Variants in UPF2 observed in about 807,000 individuals in gnomAD.
UPF2 encodes UPF2 regulator of nonsense mediated mRNA decay.
A neutral mutation model predicts 141.4 loss-of-function variants in UPF2; 17 were observed. The ratio of observed to expected loss-of-function variants is 0.12; its 90% CI spans 0.08 to 0.18. UPF2 has a LOEUF of 0.18. UPF2 is among the 10% of genes least tolerant of loss of function. The pLI is 1.00. For synonymous variants in UPF2, 540 were observed against 498.0 expected (o/e 1.08, Z -1.12); for missense variants, 1,152 against 1,515.9 (o/e 0.76, Z 3.99).
chr10:12,030,647 G>A (rs1180586693), intron 2 of UPF2, among the ~76,000 whole-genome samples: 7 of 151,998 alleles, frequency 4.6e-5, no homozygotes, highest in Non-Finnish European at 8.8e-5. Flanking sequence ...ACTTTGGGAG[G>A]CCGAGGCAGG....
chr10:11,943,779 G>C (rs1820505570), intron 16 of UPF2, among the ~76,000 whole-genome samples: 2 of 152,030 alleles, frequency 1.3e-5, no homozygotes, highest in Non-Finnish European at 2.9e-5. Context: ...TGGCCTTTCA[G>C]CTCCCCTAAC....
At position 11,998,645 on chromosome 10, in the gene UPF2, G is replaced by T. The variant is rs1334391393; in HGVS notation, c.1759-888C>A. Among the ~76,000 whole-genome samples the T allele has an allele frequency of 6.6e-6, 1 of 152,154 alleles. No homozygotes were observed. The highest frequency in any genetic ancestry group is 1.5e-5 in the Non-Finnish European group (1 of 68,020). On this transcript the variant is annotated intron_variant, in intron 7 of 21. Transcript: ENST00000357604. This position sits in a 1 kb window ranked among gnomAD's most constrained non-coding sequence, Gnocchi z 4.5. ...AGGTGGGTGGATCACGTGAGGTCAGGAGTTCAAGACCAGCCTGGCCAACAT... is the reference window on the plus strand; with the variant it reads ...AGGTGGGTGGATCACGTGAGGTCAGTAGTTCAAGACCAGCCTGGCCAACAT...
intron 17 of UPF2, 140 bp from the exon 18 acceptor site, chr10:11,942,903 A>T: frequency 1.1e-6 from 1 of 906,852 alleles, no homozygotes; most frequent in Non-Finnish European, 1.7e-6. Flanking sequence ...ATTCAATGTT[A>T]AAAGAATTTA....
At chr10:12,041,037 T>C (rs1564377284) in intron 1 of UPF2, among the ~76,000 whole-genome samples, 1 of 152,212 alleles carries the variant, frequency 6.6e-6, no homozygotes. Context: ...CACTACCCAG[T>C]GCTTTTTCAC....
rs555380961 is a variant in UPF2 at position 12,001,717 on chromosome 10, T to A, written c.1613A>T (p.Asp538Val). 6.2e-6 allele frequency: 10 copies of A among 1,610,812 alleles called. No homozygotes were observed. In the African/African-American group the frequency reaches 1.3e-4, roughly 22 times the overall value. ...NDDTLELEGG[D>V]EAEDLTKKLL... ...TTTCTTTGTAAGATCTTCAGCTTCA[T>A]CTCCACCCTCTAATTCTAAGGTGTC... Residue 538 changes from aspartate to valine, a missense_variant, in exon 6 of 22, where the codon GAT becomes GTT. Physicochemically the swap from Asp to Val is radical, Grantham distance 152. Transcript: ENST00000357604.
At chr10:12,024,171 C>A (rs1464804475) in intron 3 of UPF2, among the ~76,000 whole-genome samples, 1 of 152,038 alleles carries the variant, frequency 6.6e-6, no homozygotes. Context: ...AAAACACCTA[C>A]TAGATGAGAG....
intron 21 of UPF2, among the ~76,000 whole-genome samples, chr10:11,927,475 G>A (rs868035507): frequency 2.0e-5 from 3 of 152,200 alleles, no homozygotes; most frequent in Non-Finnish European, 4.4e-5. Flanking sequence ...TGATGAGACA[G>A]GAGGGAATAG....
chr10:11,997,829 A>T (rs111632485), intron 7 of UPF2, 72 bp from the exon 8 acceptor site: 7 of 1,369,618 alleles, frequency 5.1e-6, no homozygotes, highest in Non-Finnish European at 7.2e-6. Flanking sequence ...CCTGCCTACT[A>T]TGATATTTTT....
intron 9 of UPF2, among the ~76,000 whole-genome samples, chr10:11,972,100 T>C (rs1833428895): frequency 6.6e-6 from 1 of 151,352 alleles, no homozygotes; most frequent in Non-Finnish European, 1.5e-5. Flanking sequence ...AAAAACACTC[T>C]TCAGATATGT....
chr10:11,982,636 T>G (rs528379503), intron 8 of UPF2, among the ~76,000 whole-genome samples: 19 of 152,052 alleles, frequency 1.2e-4, no homozygotes, highest in African/African-American at 4.6e-4. Context: ...AGCACTTTGG[T>G]TTTTTTTGAG....
chr10:12,028,677 G>A (rs1834462398), intron 3 of UPF2, 68 bp downstream of exon 3: 1 of 1,462,886 alleles, frequency 6.8e-7, no homozygotes, highest in African/African-American at 1.4e-5. Flanking sequence ...GTGGCATGAA[G>A]ACTTTAAACA....
At position 12,042,542 on chromosome 10, in the gene UPF2, G is replaced by A. The variant is rs1315253398; in HGVS notation, c.-19+213C>T. Reference sequence around the variant, plus strand: ...CGCCCCCCAAGCATGGCCCGGCCCGGGGGCTCCCGCGTTGATGGGAGCCTC... The same window carrying A: ...CGCCCCCCAAGCATGGCCCGGCCCGAGGGCTCCCGCGTTGATGGGAGCCTC... On this transcript the variant is annotated intron_variant, in intron 1 of 21. Coordinates refer to ENST00000357604, the MANE Select transcript of UPF2 (RefSeq NM_015542.4). The surrounding 1 kb of genome is among the most constrained non-coding windows in gnomAD (Gnocchi z 5.5). Among the ~76,000 whole-genome samples the A allele has an allele frequency of 6.6e-6, 1 of 152,190 alleles. No homozygotes were observed. The highest frequency in any genetic ancestry group is 6.5e-5 in the Admixed American group (1 of 15,278).
chr10:11,930,433 T>C (rs78795727), intron 20 of UPF2, among the ~76,000 whole-genome samples: 6,944 of 152,272 alleles, frequency 0.046, 186 homozygotes, highest in Middle Eastern at 0.095. Context: ...AAAAAGTACA[T>C]AAAACAGTGT....
intron 16 of UPF2, among the ~76,000 whole-genome samples, chr10:11,946,780 A>G (rs531929582): frequency 9.9e-5 from 15 of 152,180 alleles, no homozygotes; most frequent in Admixed American, 9.8e-4. Flanking sequence ...GGGTCTCACT[A>G]TGTTGTCCAG....
chr10:11,938,631 C>T (rs17556978), intron 18 of UPF2, among the ~76,000 whole-genome samples: 9,080 of 149,416 alleles, frequency 0.061, 375 homozygotes, highest in Non-Finnish European at 0.092. Context: ...TTTGCCATTA[C>T]CTTTCACACA....
At chr10:11,990,992 A>C (rs1833770720) in intron 8 of UPF2, among the ~76,000 whole-genome samples, 1 of 146,312 alleles carries the variant, frequency 6.8e-6, no homozygotes, top group East Asian at 1.9e-4. Context: ...TCCATCTCAA[A>C]AAAAAAAAAA....
intron 8 of UPF2, among the ~76,000 whole-genome samples, chr10:11,994,416 T>C (rs1303878404): frequency 6.6e-6 from 1 of 152,204 alleles, no homozygotes; most frequent in Non-Finnish European, 1.5e-5. Flanking sequence ...TTTTCTTGTA[T>C]ACGCAAAAGA....
At chr10:11,928,358 T>C (rs1345316464) in intron 21 of UPF2, among the ~76,000 whole-genome samples, 2 of 151,606 alleles carry the variant, frequency 1.3e-5, no homozygotes, top group African/African-American at 4.8e-5. Context: ...CAAAATTAGT[T>C]GATGATATGG....
chr10:11,938,544 A>AT (rs1315420505), intron 18 of UPF2, among the ~76,000 whole-genome samples: 1 of 152,162 alleles, frequency 6.6e-6, no homozygotes, highest in Non-Finnish European at 1.5e-5. Context: ...GTAAATCCCA[A>AT]TATCTGATGG....
Sources: allele counts gnomAD v4.1 joint callset (sites outside exome capture counted in the v4.1 genomes callset), GRCh38; gene constraint gnomAD v4.1.1; non-coding constraint Gnocchi (gnomAD v3.1); transcripts MANE v1.5; gene names NCBI Gene and HGNC (gene_info 2026-07-23, HGNC 2026-07-21).